The following CTNNA3 variants were observed in gnomAD, a reference collection of about 807,000 sequenced individuals.
CTNNA3 encodes the protein catenin alpha 3.
CTNNA3 carries 76 observed loss-of-function variants against 95.7 expected under a neutral mutation model. That is an observed-to-expected ratio of 0.79 (90% CI 0.66 to 0.96). The LOEUF (loss-of-function observed/expected upper bound fraction) is 0.96, where lower values mean the gene tolerates loss of function less well. Among genes scored for constraint, CTNNA3 ranks in the 40% least tolerant of loss-of-function variants. The pLI is 0.00. For missense variants in CTNNA3, 1,191 were observed against 1,089.8 expected, an observed-to-expected ratio of 1.09 and a Z score of -1.31; for synonymous variants, 431 against 374.4, an observed-to-expected ratio of 1.15 and a Z score of -1.74.
intron 9 of CTNNA3, among the ~76,000 whole-genome samples, chr10:66,659,543 T>C (rs528120680): frequency 6.6e-6 from 1 of 152,312 alleles, no homozygotes; most frequent in African/African-American, 2.4e-5. Flanking sequence ...GGAGCTGCTA[T>C]GGTCTGAATG....
At chr10:67,336,311 AT>A (rs148070091) in intron 5 of CTNNA3, among the ~76,000 whole-genome samples, 2,721 of 152,234 alleles carry the variant, frequency 0.018, 86 homozygotes, top group African/African-American at 0.06. Context: ...AAAGCTAAAC[AT>A]TTCCTTAAGC....
chr10:67,140,872 C>A (rs933153920), intron 7 of CTNNA3, among the ~76,000 whole-genome samples: 2 of 152,134 alleles, frequency 1.3e-5, no homozygotes, highest in Admixed American at 1.3e-4. Flanking sequence ...TGCTTTCTTA[C>A]AAGACAGCAT....
At chr10:67,117,458 T>A (rs1009574175) in intron 7 of CTNNA3, among the ~76,000 whole-genome samples, 1 of 151,954 alleles carries the variant, frequency 6.6e-6, no homozygotes, top group Non-Finnish European at 1.5e-5. Flanking sequence ...ACAAAAAGAA[T>A]TGTATCCAAA....
chr10:66,321,660 G>A (rs12414892), intron 12 of CTNNA3, among the ~76,000 whole-genome samples: 15,266 of 151,992 alleles, frequency 0.1, 1,064 homozygotes, highest in East Asian at 0.23. Context: ...TCAAAATACT[G>A]ATTGTTTCCA....
chr10:66,350,567 C>A (rs2092559231), intron 12 of CTNNA3, among the ~76,000 whole-genome samples: 1 of 148,644 alleles, frequency 6.7e-6, no homozygotes, highest in African/African-American at 2.5e-5. Flanking sequence ...AAGAAATTCC[C>A]ACATCTTATT....
At chr10:67,463,409 C>G (rs1000616530) in intron 5 of CTNNA3, among the ~76,000 whole-genome samples, 1 of 152,092 alleles carries the variant, frequency 6.6e-6, no homozygotes, top group African/African-American at 2.4e-5. Flanking sequence ...ACCCTACACC[C>G]AAAGACCATC....
At chr10:66,629,506 G>T (rs1310260861) in intron 9 of CTNNA3, among the ~76,000 whole-genome samples, 3 of 152,098 alleles carry the variant, frequency 2.0e-5, no homozygotes, top group Non-Finnish European at 4.4e-5. Context: ...TTAAGATTTT[G>T]ATCAGTTTTA....
chr10:66,441,803 G>A (rs114677419), intron 11 of CTNNA3, among the ~76,000 whole-genome samples: 64 of 152,292 alleles, frequency 4.2e-4, no homozygotes, highest in African/African-American at 1.5e-3. Flanking sequence ...TATACAAAGA[G>A]TAGATTCACA....
At chr10:66,520,045 T>C (rs1394357779) in intron 11 of CTNNA3, among the ~76,000 whole-genome samples, 2 of 152,052 alleles carry the variant, frequency 1.3e-5, no homozygotes, top group Non-Finnish European at 2.9e-5. Context: ...TAATATGTTT[T>C]GGCCATGAAT....
At chr10:67,464,877 GAAAA>G (rs912409784) in intron 5 of CTNNA3, among the ~76,000 whole-genome samples, 1 of 137,482 alleles carries the variant, frequency 7.3e-6, no homozygotes, top group Admixed American at 7.0e-5. Context: ...AAAAAAAAAA[GAAAA>G]AGAAAGTACA....
intron 5 of CTNNA3, among the ~76,000 whole-genome samples, chr10:67,443,470 T>C (rs956968875): frequency 1.3e-5 from 2 of 151,794 alleles, no homozygotes; most frequent in African/African-American, 2.4e-5. Context: ...GTTTCCTGAC[T>C]TTTTAATGAT....
At chr10:66,943,824 C>T (rs1848146566) in intron 7 of CTNNA3, among the ~76,000 whole-genome samples, 1 of 152,272 alleles carries the variant, frequency 6.6e-6, no homozygotes, top group South Asian at 2.1e-4. Context: ...TATGTTTATG[C>T]TGTACTGTAG....
At chr10:66,034,535 A>G (rs922694349) in intron 15 of CTNNA3, among the ~76,000 whole-genome samples, 1 of 152,224 alleles carries the variant, frequency 6.6e-6, no homozygotes, top group African/African-American at 2.4e-5. Context: ...ACAGGAAAAT[A>G]GCATGTTTAT....
At chr10:67,599,035 C>T (rs1843004757) in intron 3 of CTNNA3, among the ~76,000 whole-genome samples, 1 of 152,178 alleles carries the variant, frequency 6.6e-6, no homozygotes, top group African/African-American at 2.4e-5. Context: ...AGTTTGAATC[C>T]TGCAAGTTAG....
At chr10:66,306,525 T>C (rs553308394) in intron 12 of CTNNA3, among the ~76,000 whole-genome samples, 4 of 152,294 alleles carry the variant, frequency 2.6e-5, no homozygotes, top group African/African-American at 9.6e-5. Flanking sequence ...CTGTGCCTAA[T>C]CTATTGTTTT....
At chr10:67,202,750 T>C (rs1164383480) in intron 6 of CTNNA3, among the ~76,000 whole-genome samples, 1 of 151,886 alleles carries the variant, frequency 6.6e-6, no homozygotes, top group African/African-American at 2.4e-5. Context: ...CACCAGGTGG[T>C]AGAAAAAAAA....
At chr10:66,723,638 A>G (rs1848696306) in intron 9 of CTNNA3, among the ~76,000 whole-genome samples, 1 of 152,236 alleles carries the variant, frequency 6.6e-6, no homozygotes, top group African/African-American at 2.4e-5. Context: ...GTGTCCCTCA[A>G]TGGCTACCAG....
At chr10:67,259,605 A>AC (rs1179702646) in intron 5 of CTNNA3, among the ~76,000 whole-genome samples, 1 of 152,198 alleles carries the variant, frequency 6.6e-6, no homozygotes, top group Non-Finnish European at 1.5e-5. Flanking sequence ...GAGAGCACTT[A>AC]CACTGTAAAA....
chr10:66,210,321 G>A (rs920001000), intron 13 of CTNNA3, among the ~76,000 whole-genome samples: 1 of 150,604 alleles, frequency 6.6e-6, no homozygotes, highest in Non-Finnish European at 1.5e-5. Flanking sequence ...TAAGGCAAAC[G>A]AGATAACAAA....
Sources: allele counts gnomAD v4.1 joint callset (sites outside exome capture counted in the v4.1 genomes callset), GRCh38; gene constraint gnomAD v4.1.1; transcripts MANE v1.5; gene names NCBI Gene and HGNC (gene_info 2026-07-23, HGNC 2026-07-21).